Variants in TRPM6 observed in about 807,000 individuals in gnomAD.
TRPM6 encodes transient receptor potential cation channel subfamily M member 6.
A neutral mutation model predicts 247.6 loss-of-function variants in TRPM6; 111 were observed. The ratio of observed to expected loss-of-function variants is 0.45; its 90% CI spans 0.38 to 0.52. The LOEUF (loss-of-function observed/expected upper bound fraction) is 0.52, where lower values mean the gene tolerates loss of function less well. Ranked by LOEUF, TRPM6 falls within the 20% of genes least tolerant of loss-of-function variation. The probability of loss-of-function intolerance (pLI) is 0.00; values close to 1 mark genes in which losing one functional copy is unlikely to be tolerated. For synonymous variants in TRPM6, 892 were observed against 853.8 expected (o/e 1.04, Z -0.78); for missense variants, 2,126 against 2,421.5 (o/e 0.88, Z 2.56).
chr9:74,802,171 T>C lies in TRPM6; in HGVS notation c.1736A>G (p.Lys579Arg). 2 of 1,613,732 alleles carry C rather than the reference T, an allele frequency of 1.2e-6. No homozygotes were observed. Among genetic ancestry groups the C allele is most frequent in the Non-Finnish European group, 1.7e-6 (2 of 1,179,682 alleles). Residue 579 changes from lysine to arginine, a missense_variant, in exon 16 of 39, where the codon AAG (lysine) becomes AGG (arginine). Lys to Arg is a conservative substitution (Grantham distance 26, BLOSUM62 2). Coordinates refer to ENST00000360774, the MANE Select transcript of TRPM6 (RefSeq NM_017662.5). ...CCTTGATTTATGAAGGACTATAGAC[T>C]TTTCCTGTTGGAAAATAAAATAGGA... is the stretch of plus-strand genomic sequence containing the variant. ...RTAQPYKFKE[K>R]SIVLHKSRKK... is the part of the protein sequence containing the mutation.
chr9:74,833,798 C>T (rs771953291), intron 6 of TRPM6, among the ~76,000 whole-genome samples, 200 bp downstream of exon 6: 1 of 152,084 alleles, frequency 6.6e-6, no homozygotes, highest in Non-Finnish European at 1.5e-5. Flanking sequence ...AGGATTAGTC[C>T]AAGGCTTTTG....
chr9:74,755,271 G>A, intron 28 of TRPM6, 82 bp downstream of exon 28: 1 of 1,429,204 alleles, frequency 7.0e-7, no homozygotes, highest in Non-Finnish European at 9.8e-7. Context: ...AAGAACAGGA[G>A]GAACCGCCAA....
chr9:74,839,178 T>C lies in TRPM6; in HGVS notation c.544+846A>G, dbSNP rs534412426. ...CAAACTGGTAAGAGACAAGAGTTTA[T>C]GGAATCACTAGTTCTCAATCCTGGC... On this transcript the variant is annotated intron_variant, in intron 5 of 38. Coordinates refer to ENST00000360774, the MANE Select transcript of TRPM6 (RefSeq NM_017662.5). Among the ~76,000 whole-genome samples the C allele has an allele frequency of 9.2e-5, 14 of 151,696 alleles. No individual in the cohort carries two copies. The South Asian group carries it at 2.7e-3, about 29-fold the overall frequency.
intron 23 of TRPM6, among the ~76,000 whole-genome samples, chr9:74,779,866 G>C (rs1023324502): frequency 6.6e-6 from 1 of 152,176 alleles, no homozygotes; most frequent in Non-Finnish European, 1.5e-5. Context: ...GGGAAGACTA[G>C]TGTGATGCAT....
At chr9:74,792,602 A>T (rs757508006) in intron 19 of TRPM6, 22 bp downstream of exon 19, 1 of 1,611,074 alleles carries the variant, frequency 6.2e-7, no homozygotes, top group South Asian at 1.1e-5. Context: ...AATCCGACAT[A>T]TATTGTTGCA....
chr9:74,779,721 C>T (rs996070693), intron 23 of TRPM6, among the ~76,000 whole-genome samples: 3 of 152,102 alleles, frequency 2.0e-5, no homozygotes, highest in Non-Finnish European at 4.4e-5. Context: ...CTGAGCAAGA[C>T]GAGAAGAGGT....
In TRPM6 at chr9:74,744,084, A is replaced by G. The variant is rs766554589; in HGVS notation, c.5134+11T>C. ...GCTCAGCTGACATGTCTATGTGCATATGCATCCTACCTGAATAATGATGGT... is the reference window on the plus strand; with the variant it reads ...GCTCAGCTGACATGTCTATGTGCATGTGCATCCTACCTGAATAATGATGGT... On this transcript the variant is annotated intron_variant, in intron 32 of 38. Coordinates refer to ENST00000360774, the MANE Select transcript of TRPM6 (RefSeq NM_017662.5). The G allele has an allele frequency of 6.2e-7, 1 of 1,613,604 alleles. No homozygotes were observed. The highest frequency in any genetic ancestry group is 1.1e-5 in the South Asian group (1 of 91,070).
chr9:74,785,699 A>AT (rs1194171931), intron 21 of TRPM6, among the ~76,000 whole-genome samples, 175 bp downstream of exon 21: 1 of 151,840 alleles, frequency 6.6e-6, no homozygotes, highest in Non-Finnish European at 1.5e-5. Flanking sequence ...ATTTTTTTGT[A>AT]TTTTTAGTAG....
rs1439177431 is a variant in TRPM6, at chr9:74,728,352, G to A, written c.5829-7C>T. 2 of 1,576,906 alleles carry A rather than the reference G, an allele frequency of 1.3e-6. No individual in the cohort carries two copies. The highest frequency in any genetic ancestry group is 2.2e-5 in the South Asian group (2 of 90,368). On this transcript the variant is annotated splice_polypyrimidine_tract_variant and splice_region_variant and intron_variant, in intron 37 of 38. Coordinates refer to ENST00000360774, the MANE Select transcript of TRPM6 (RefSeq NM_017662.5). ...AAACACCATTCCTCTTGATCTAGAG[G>A]AAATATCAGAATATCAATTAGATCA... is the stretch of plus-strand genomic sequence containing the variant.
At chr9:74,799,676 G>A (rs1466658997) in intron 17 of TRPM6, among the ~76,000 whole-genome samples, 1 of 151,874 alleles carries the variant, frequency 6.6e-6, no homozygotes, top group Admixed American at 6.6e-5. Flanking sequence ...ATTTACTTTT[G>A]TTGTAATTAT....
intron 20 of TRPM6, 150 bp from the exon 21 acceptor site, chr9:74,786,275 T>G: frequency 1.3e-6 from 1 of 771,144 alleles, no homozygotes; most frequent in Non-Finnish European, 2.1e-6. Context: ...AGACTTAAGT[T>G]ATCATCAGTA....
intron 28 of TRPM6, among the ~76,000 whole-genome samples, chr9:74,753,992 T>C (rs541106126): frequency 1.3e-4 from 19 of 151,870 alleles, no homozygotes; most frequent in Non-Finnish European, 7.4e-5. Flanking sequence ...TTGAAATTCG[T>C]TGGAAAGAAC....
intron 27 of TRPM6, among the ~76,000 whole-genome samples, chr9:74,760,493 T>C (rs1826586695): frequency 6.6e-6 from 1 of 152,166 alleles, no homozygotes; most frequent in Admixed American, 6.5e-5. Context: ...GTTTGTGCCA[T>C]GATGAAATCA....
chr9:74,839,932 G>GA, intron 5 of TRPM6, 92 bp downstream of exon 5: 1 of 922,562 alleles, frequency 1.1e-6, no homozygotes. Context: ...GAAAAGAAAA[G>GA]AAAGAGAAAG....
At chr9:74,737,407 ACCTCCAAGC>A (rs1563989875) in intron 36 of TRPM6, 1 of 1,289,600 alleles carries the variant, frequency 7.8e-7, no homozygotes. Context: ...ACATTCTCCA[ACCTCCAAGC>A]CTGGCTTTCA....
intron 19 of TRPM6, among the ~76,000 whole-genome samples, chr9:74,790,451 C>T (rs907930631): frequency 6.6e-6 from 1 of 152,086 alleles, no homozygotes; most frequent in Non-Finnish European, 1.5e-5. Flanking sequence ...ACTTTTACTC[C>T]GAGGTTCAGA....
In TRPM6 at chr9:74,762,176, G is replaced by A; in HGVS notation, c.4495C>T (p.Leu1499=). The change falls in exon 26 of 39, where the codon CTA becomes TTA. Residue 1499 remains leucine, a synonymous_variant. Transcript: ENST00000360774. ...QHQKQAQDSS[L]SDNSTRSAQS... is the part of the protein sequence containing the mutation. ...GCCGATCTTGTTGAGTTATCAGATA[G>A]GGAGCTGTCCTGGGCCTGCTTCTGG... 6.2e-7 allele frequency: 1 copy of A among 1,614,196 alleles called. No homozygotes were observed.
At chr9:74,742,925 T>C (rs973336925) in intron 32 of TRPM6, among the ~76,000 whole-genome samples, 9 of 152,216 alleles carry the variant, frequency 5.9e-5, no homozygotes, top group Admixed American at 5.9e-4. Flanking sequence ...ATGTGGAACT[T>C]TCTTTTAAAT....
At position 74,782,859 on chromosome 9, in the gene TRPM6, A is replaced by C. The variant is rs1481581160; in HGVS notation, c.2920-6T>G. 6.2e-7 allele frequency: 1 copy of C among 1,613,972 alleles called. No homozygotes were observed. The highest frequency in any genetic ancestry group is 8.5e-7 in the Non-Finnish European group (1 of 1,180,004). ...ATATAGAACATGTTTGCTGTCTGCA[A>C]AAGAGCATAGTACAACCAGAATTTT... On this transcript the variant is annotated splice_polypyrimidine_tract_variant and splice_region_variant and intron_variant, in intron 21 of 38. Transcript: ENST00000360774.
Sources: allele counts gnomAD v4.1 joint callset (sites outside exome capture counted in the v4.1 genomes callset), GRCh38; gene constraint gnomAD v4.1.1; transcripts MANE v1.5; gene names NCBI Gene and HGNC (gene_info 2026-07-23, HGNC 2026-07-21).